Variants in ADAMTS17 observed in about 807,000 individuals in gnomAD.
The protein encoded by ADAMTS17 is ADAM metallopeptidase with thrombospondin type 1 motif 17.
Under a neutral mutation model 141.5 loss-of-function variants are expected in ADAMTS17, and 113 were observed. That is an observed-to-expected ratio of 0.80 (90% CI 0.69 to 0.93). ADAMTS17 has a LOEUF of 0.93. Among genes scored for constraint, ADAMTS17 ranks in the 40% least tolerant of loss-of-function variants. The pLI is 0.00. For missense variants in ADAMTS17, 1,659 were observed against 1,517.9 expected (o/e 1.09, Z -1.54); for synonymous variants, 768 against 630.6 (o/e 1.22, Z -3.27).
At chr15:100,339,017 T>C (rs1461974365) in intron 2 of ADAMTS17, 1 of 985,464 alleles carries the variant, frequency 1.0e-6, no homozygotes, top group African/African-American at 1.7e-5. Flanking sequence ...AAGTGTCCAA[T>C]GTCCAGCTCA....
At chr15:100,339,609 ATTCCCC>A (rs2141990902) in intron 2 of ADAMTS17, among the ~76,000 whole-genome samples, 3 of 71,614 alleles carry the variant, frequency 4.2e-5, no homozygotes, top group African/African-American at 6.0e-5. Context: ...CCAGGTCCAC[ATTCCCC>A]GCCCCAGGTC....
intron 7 of ADAMTS17, among the ~76,000 whole-genome samples, chr15:100,224,141 C>G (rs2042227042): frequency 1.3e-5 from 2 of 152,172 alleles, no homozygotes; most frequent in Non-Finnish European, 2.9e-5. Flanking sequence ...TTTGCCAACA[C>G]CCACACAGAC....
chr15:100,224,797 C>T (rs188389175), intron 7 of ADAMTS17, among the ~76,000 whole-genome samples: 15 of 152,358 alleles, frequency 9.8e-5, no homozygotes, highest in African/African-American at 3.1e-4. Context: ...AGAGAGCCTC[C>T]GGGGCCAACC....
At chr15:100,259,818 T>C (rs2043452886) in intron 6 of ADAMTS17, among the ~76,000 whole-genome samples, 1 of 152,172 alleles carries the variant, frequency 6.6e-6, no homozygotes, top group African/African-American at 2.4e-5. Context: ...CAATGGGTGG[T>C]GGCATTGTGT....
rs2046035152 is a variant in ADAMTS17 at position 100,331,005 on chromosome 15, T to C, written c.500A>G (p.Asn167Ser). 5 of 1,614,130 alleles carry C rather than the reference T, an allele frequency of 3.1e-6. No individual in the cohort carries two copies. The highest frequency in any genetic ancestry group is 2.2e-5 in the East Asian group (1 of 44,872). Residue 167 changes from asparagine (N) to serine (S), a missense_variant, in exon 3 of 22, where the codon AAC becomes AGC. Physicochemically the swap from Asn to Ser is conservative, Grantham distance 46. Transcript: ENST00000268070. Reference sequence around the variant, plus strand: ...TCCACTGAATGGGCCCTGGGAGTTGTTGAGGGGCTGGATTAGCACCTGCTC... The same window carrying C: ...TCCACTGAATGGGCCCTGGGAGTTGCTGAGGGGCTGGATTAGCACCTGCTC... The part of the protein sequence containing the change: ...GQEQVLIQPL[N>S]NSQGPFSGRE...
intron 3 of ADAMTS17, chr15:100,306,381 C>T (rs2045225899): frequency 2.4e-6 from 1 of 423,372 alleles, no homozygotes; most frequent in Admixed American, 2.6e-5. Flanking sequence ...CATTGGGAGC[C>T]CTGGTGGCCA....
chr15:100,096,756 T>C (rs1467130857), intron 14 of ADAMTS17, among the ~76,000 whole-genome samples: 1 of 152,166 alleles, frequency 6.6e-6, no homozygotes, highest in Non-Finnish European at 1.5e-5. Flanking sequence ...CCCATGGGGG[T>C]CACGCTGAGG....
intron 20 of ADAMTS17, among the ~76,000 whole-genome samples, chr15:99,990,542 T>A (rs933651631): frequency 6.6e-6 from 1 of 152,186 alleles, no homozygotes; most frequent in Non-Finnish European, 1.5e-5. Flanking sequence ...AGGAGGTGTT[T>A]TAGGTCCTTC....
chr15:100,214,089 A>C (rs1023482112), intron 7 of ADAMTS17, among the ~76,000 whole-genome samples: 3 of 152,186 alleles, frequency 2.0e-5, no homozygotes, highest in Admixed American at 2.0e-4. Context: ...AAAAGCCTGG[A>C]TAGAGTTATC....
chr15:100,292,051 T>C (rs1047647904), intron 3 of ADAMTS17, among the ~76,000 whole-genome samples: 2 of 151,394 alleles, frequency 1.3e-5, no homozygotes, highest in Non-Finnish European at 2.9e-5. Context: ...GCTCAGCCCG[T>C]GGGGAGTCAC....
rs141478952 is a variant in ADAMTS17, at chr15:100,245,416, C to G, written c.1075+8720G>C. On this transcript the variant is annotated intron_variant, in intron 7 of 21. Transcript: ENST00000268070. The stretch of plus-strand genomic sequence containing the variant: ...GGAGCTGCTTTGCTTGCTCAGCCCT[C>G]TTGCTTTCCAGCCCAAAAGGCATTC... Among the ~76,000 whole-genome samples, 1,001 of 152,378 alleles carry G rather than the reference C, an allele frequency of 6.6e-3. 8 individuals carry two copies. Among genetic ancestry groups the G allele is most frequent in the African/African-American group, 0.022 (916 of 41,596 alleles).
At chr15:100,320,832 C>T (rs1201267767) in intron 3 of ADAMTS17, among the ~76,000 whole-genome samples, 1 of 151,044 alleles carries the variant, frequency 6.6e-6, no homozygotes, top group Admixed American at 6.6e-5. Flanking sequence ...GACTCTGTCT[C>T]AAAAGAAGAA....
At chr15:99,998,612 TA>T (rs2060855459) in intron 18 of ADAMTS17, among the ~76,000 whole-genome samples, 1 of 151,804 alleles carries the variant, frequency 6.6e-6, no homozygotes, top group Non-Finnish European at 1.5e-5. Flanking sequence ...CCCCAAAAAA[TA>T]AAAACAAAAA....
rs1190815965 is a variant in ADAMTS17 at position 99,973,795 on chromosome 15, G to A, written c.*607C>T. The A allele has an allele frequency of 1.6e-5, 3 of 182,016 alleles. No individual in the cohort carries two copies. Among genetic ancestry groups the A allele is most frequent in the Non-Finnish European group, 3.5e-5 (3 of 85,880 alleles). The allele number at this position is 182,016 out of a possible 1,614,324, so 11.3% of individuals were successfully genotyped here. A position where few individuals can be genotyped will look rare whatever the true frequency, so the allele number is the denominator to read the frequency against. On this transcript the variant is annotated 3_prime_UTR_variant, in exon 22 of 22. Transcript: ENST00000268070. ...ATATATAGATTTACACTCCACGCACGAGACTTCCAAGGCAACACCTAGGAT... is the reference window on the plus strand; with the variant it reads ...ATATATAGATTTACACTCCACGCACAAGACTTCCAAGGCAACACCTAGGAT...
chr15:100,041,570 G>A (rs116125292), intron 18 of ADAMTS17, among the ~76,000 whole-genome samples: 1 of 152,220 alleles, frequency 6.6e-6, no homozygotes, highest in Non-Finnish European at 1.5e-5. Flanking sequence ...ACTGTGGTTA[G>A]CAAGGTGAAG....
intron 7 of ADAMTS17, among the ~76,000 whole-genome samples, chr15:100,199,655 G>A (rs1032841165): frequency 6.6e-6 from 1 of 152,192 alleles, no homozygotes; most frequent in African/African-American, 2.4e-5. Context: ...TCGGGGGTGT[G>A]CTGAGTAGAG....
chr15:99,992,889 C>T (rs910127524), intron 20 of ADAMTS17, among the ~76,000 whole-genome samples, 159 bp downstream of exon 20: 8 of 152,204 alleles, frequency 5.3e-5, no homozygotes, highest in Admixed American at 6.5e-5. Context: ...AGGAAGCACA[C>T]GGGGTCTTGG....
chr15:99,976,755 G>A (rs915653127), intron 20 of ADAMTS17: 1 of 196,998 alleles, frequency 5.1e-6, no homozygotes, highest in Admixed American at 5.4e-5. Context: ...CACTGGATTT[G>A]TTAGCACCTT....
At chr15:100,259,273 C>T (rs760067253) in intron 6 of ADAMTS17, among the ~76,000 whole-genome samples, 26 of 152,220 alleles carry the variant, frequency 1.7e-4, no homozygotes, top group Admixed American at 3.9e-4. Flanking sequence ...TGCACAGACA[C>T]GGTTCCCAAG....
Sources: gnomAD v4.1 joint callset for allele counts (sites outside exome capture counted in the v4.1 genomes callset) on GRCh38, gnomAD v4.1.1 for gene constraint, MANE v1.5 for transcripts, NCBI Gene and HGNC (gene_info 2026-07-23, HGNC 2026-07-21) for gene names.